The following FER1L6 variants were observed in gnomAD, a reference collection of about 807,000 sequenced individuals.
FER1L6 encodes the protein fer-1 like family member 6, also known as fer-1-like protein 6.
Under a neutral mutation model 219.2 loss-of-function variants are expected in FER1L6, and 177 were observed. The observed-to-expected ratio is 0.81, with a 90% confidence interval of 0.71 to 0.91. The LOEUF is 0.91. Ranked by LOEUF, FER1L6 falls within the 40% of genes least tolerant of loss-of-function variation. The pLI is 0.00. For synonymous variants in FER1L6, 768 were observed against 824.3 expected (o/e 0.93, Z 1.17); for missense variants, 2,153 against 2,259.9 (o/e 0.95, Z 0.96).
At chr8:124,037,263 C>T (rs78011478) in intron 19 of FER1L6, among the ~76,000 whole-genome samples, 2,689 of 152,304 alleles carry the variant, frequency 0.018, 86 homozygotes, top group African/African-American at 0.06. Context: ...AACATTTTCA[C>T]CGGATGAACC....
rs372179492 is a variant in FER1L6 at position 124,091,457 on chromosome 8, C to T, written c.4426C>T (p.Pro1476Ser). ...CAATGCCTGGAGAGACACGTCCAAA[C>T]CCACCGAAATCCTCACTAAGCTCTG... Reference protein sequence around the residue: ...GYNAWRDTSKPTEILTKLCKD... With the variant: ...GYNAWRDTSKSTEILTKLCKD... Residue 1476 changes from proline to serine, a missense_variant, in exon 34 of 41, where the codon CCC (proline) becomes TCC (serine). By Grantham distance (74) the Pro-to-Ser change is moderately conservative. Transcript: ENST00000522917. 64 of 1,612,612 alleles carry T rather than the reference C, an allele frequency of 4.0e-5. No homozygotes were observed. Among genetic ancestry groups the T allele is most frequent in the Non-Finnish European group, 5.2e-5 (61 of 1,179,468 alleles).
At chr8:124,046,759 A>G (rs1316201172) in intron 21 of FER1L6, 1 of 152,236 alleles carries the variant, frequency 6.6e-6, no homozygotes, top group Non-Finnish European at 1.5e-5. Flanking sequence ...GGAGACCATG[A>G]AGTTCCCATC....
chr8:123,939,196 G>C (rs1243983511), intron 1 of FER1L6: 1 of 985,104 alleles, frequency 1.0e-6, no homozygotes, highest in Admixed American at 6.2e-5. Context: ...CCACTGAGGT[G>C]AGCTAAATAA....
At chr8:123,957,466 A>T (rs1815074348) in intron 2 of FER1L6, among the ~76,000 whole-genome samples, 1 of 152,110 alleles carries the variant, frequency 6.6e-6, no homozygotes, top group African/African-American at 2.4e-5. Flanking sequence ...TCCCTCTAGG[A>T]CCTTGTGAAC....
At chr8:124,054,175 T>C (rs1273781341) in intron 22 of FER1L6, among the ~76,000 whole-genome samples, 1 of 152,204 alleles carries the variant, frequency 6.6e-6, no homozygotes, top group Non-Finnish European at 1.5e-5. Flanking sequence ...TTCTTTACTT[T>C]TCCTGTTCAC....
intron 22 of FER1L6, among the ~76,000 whole-genome samples, chr8:124,056,322 C>A (rs1273539925): frequency 3.9e-5 from 6 of 152,212 alleles, no homozygotes; most frequent in African/African-American, 1.4e-4. Flanking sequence ...GCTGGCCTCC[C>A]CTACGGTTGT....
intron 5 of FER1L6, among the ~76,000 whole-genome samples, chr8:123,966,506 TTA>T (rs1168009121): frequency 4.6e-5 from 7 of 152,246 alleles, no homozygotes; most frequent in Non-Finnish European, 7.3e-5. Flanking sequence ...CCTCCTGATT[TTA>T]AATTCACTGC....
chr8:124,097,749 AG>A (rs776513734), intron 36 of FER1L6, 35 bp from the exon 37 acceptor site: 1 of 1,135,050 alleles, frequency 8.8e-7, no homozygotes, highest in African/African-American at 1.5e-5. Context: ...TCAGCTTTCA[AG>A]GTCATCGACC....
chr8:124,092,018 A>G (rs1467942190), intron 34 of FER1L6, among the ~76,000 whole-genome samples: 2 of 152,044 alleles, frequency 1.3e-5, no homozygotes, highest in Non-Finnish European at 2.9e-5. Flanking sequence ...GAAAATGTGG[A>G]AAAGTAAGGA....
chr8:123,890,940 C>T (rs1021625401), intron 1 of FER1L6, among the ~76,000 whole-genome samples: 5 of 151,812 alleles, frequency 3.3e-5, no homozygotes, highest in African/African-American at 1.2e-4. Context: ...AGATCTTTTC[C>T]TTTAGGTAAT....
At chr8:123,907,420 A>C (rs765191560) in intron 1 of FER1L6, among the ~76,000 whole-genome samples, 1 of 152,008 alleles carries the variant, frequency 6.6e-6, no homozygotes, top group East Asian at 2.0e-4. Flanking sequence ...GATAGTCAGT[A>C]ACTCACCTAG....
intron 1 of FER1L6, among the ~76,000 whole-genome samples, chr8:123,899,267 A>AT (rs1305357382): frequency 6.6e-6 from 1 of 151,756 alleles, no homozygotes; most frequent in Non-Finnish European, 1.5e-5. Context: ...TGATTTCAGC[A>AT]TTTTTTCATG....
In FER1L6 at chr8:124,064,468, C is replaced by G. The variant is rs773499029; in HGVS notation, c.3450C>G (p.Ala1150=). 1.2e-6 allele frequency: 2 copies of G among 1,614,088 alleles called. No individual in the cohort carries two copies. The highest frequency in any genetic ancestry group is 3.3e-5 in the Admixed American group (2 of 59,986). ...EPPPTVVPDS[A]QAQPAILVDV... is the part of the protein sequence containing the mutation. ...CTCCCACAGTGGTGCCCGACTCTGC[C>G]CAGGCCCAGCCGGCCATCCTGGTTG... Residue 1150 remains alanine, a synonymous_variant, in exon 26 of 41, where the codon GCC becomes GCG. Coordinates refer to ENST00000522917, the MANE Select transcript of FER1L6 (RefSeq NM_001039112.2).
At chr8:123,953,177 TC>T (rs770332376) in intron 1 of FER1L6, among the ~76,000 whole-genome samples, 2 of 152,296 alleles carry the variant, frequency 1.3e-5, no homozygotes, top group South Asian at 2.1e-4. Context: ...AGAAACCTTT[TC>T]ATGCTGGGAG....
At chr8:124,117,479 G>C (rs1823296283) in intron 39 of FER1L6, among the ~76,000 whole-genome samples, 1 of 152,170 alleles carries the variant, frequency 6.6e-6, no homozygotes, top group Non-Finnish European at 1.5e-5. Context: ...ATGGGGCTAA[G>C]ATTTCTCAAT....
rs1485803056 is a variant in FER1L6, at chr8:124,076,207, C to T, written c.4102C>T (p.Leu1368Phe). The T allele has an allele frequency of 4.3e-6, 7 of 1,613,842 alleles. No individual in the cohort carries two copies. Among genetic ancestry groups the T allele is most frequent in the Non-Finnish European group, 5.9e-6 (7 of 1,179,908 alleles). Residue 1368 changes from leucine (L) to phenylalanine (F), a missense_variant, in exon 32 of 41, where the codon CTT becomes TTT. Transcript: ENST00000522917. ...TCTTTTTCCTTTCCAGGCATTTAATCTTAGTCCAGCTGATCCAGATGGCAA... is the reference window on the plus strand; with the variant it reads ...TCTTTTTCCTTTCCAGGCATTTAATTTTAGTCCAGCTGATCCAGATGGCAA... ...IRVYIVAAFN[L>F]SPADPDGKSD...
intron 22 of FER1L6, among the ~76,000 whole-genome samples, chr8:124,055,941 GCTT>G (rs1439155141): frequency 6.6e-6 from 1 of 152,060 alleles, no homozygotes; most frequent in African/African-American, 2.4e-5. Flanking sequence ...CAGCCAGACA[GCTT>G]CTTCAAGTCT....
At chr8:124,049,787 T>A in intron 22 of FER1L6, 31 bp downstream of exon 22, 34 of 1,612,474 alleles carry the variant, frequency 2.1e-5, no homozygotes, top group Non-Finnish European at 2.7e-5. Context: ...ACGAGATCTA[T>A]TAGGTCTACC....
intron 27 of FER1L6, among the ~76,000 whole-genome samples, chr8:124,067,440 G>A (rs930563986): frequency 5.9e-5 from 9 of 152,226 alleles, no homozygotes; most frequent in African/African-American, 2.2e-4. Flanking sequence ...AGATGAGGGA[G>A]ATGCTCCAGG....
Sources: gnomAD v4.1 joint callset for allele counts (sites outside exome capture counted in the v4.1 genomes callset) on GRCh38, gnomAD v4.1.1 for gene constraint, MANE v1.5 for transcripts, NCBI Gene and HGNC (gene_info 2026-07-23, HGNC 2026-07-21) for gene names.